Variants in ABCA6 observed in about 807,000 individuals in gnomAD.
The protein encoded by ABCA6 is ATP-binding cassette sub-family A member 6.
In ABCA6, 164 loss-of-function variants were observed where a neutral mutation model predicts 191.2. That is an observed-to-expected ratio of 0.86 (90% confidence interval 0.76 to 0.98). The LOEUF (loss-of-function observed/expected upper bound fraction) is 0.98. Ranked by LOEUF, ABCA6 falls within the 50% of genes least tolerant of loss-of-function variation. The pLI is 0.00. For missense variants in ABCA6, 1,958 were observed against 1,894.1 expected (o/e 1.03, Z -0.63); for synonymous variants, 636 against 647.7 (o/e 0.98, Z 0.27).
chr17:69,085,714 C>T lies in ABCA6; in HGVS notation c.3940G>A (p.Glu1314Lys), dbSNP rs760476405. The T allele has an allele frequency of 6.3e-7, 1 of 1,593,118 alleles. No individual in the cohort carries two copies. The highest frequency in any genetic ancestry group is 8.6e-7 in the Non-Finnish European group (1 of 1,163,356). ...RNISFCVQEG[E>K]ILGLLGPNGA... ...TTGGGTCCTAGCAATCCCAAAATTT[C>T]ACCTGAAAGAAAGAATCAGACTATC... is the stretch of plus-strand genomic sequence containing the variant. The change falls in exon 31 of 39, where the codon GAA becomes AAA. Residue 1314 changes from glutamate (E) to lysine (K), a missense_variant and splice_region_variant. Transcript: ENST00000284425.
At chr17:69,105,798 T>G (rs2073288344) in intron 19 of ABCA6, 170 bp from the exon 20 acceptor site, 1 of 711,496 alleles carries the variant, frequency 1.4e-6, no homozygotes, top group Non-Finnish European at 2.3e-6. Context: ...CAGAAGGCAT[T>G]ACTATATAAA....
chr17:69,126,024 A>G (rs572728801), intron 8 of ABCA6, among the ~76,000 whole-genome samples: 2 of 152,196 alleles, frequency 1.3e-5, no homozygotes, highest in African/African-American at 2.4e-5. Flanking sequence ...ATTTCTATTC[A>G]TTATTGTACT....
Position 69,123,239 on chromosome 17 carries a change from C to T in ABCA6, c.1436G>A (p.Arg479Lys). 5.5e-6 allele frequency: 8 copies of T among 1,465,054 alleles called. No homozygotes were observed. Among genetic ancestry groups the T allele is most frequent in the Non-Finnish European group, 7.3e-6 (8 of 1,094,384 alleles). The allele number at this position is 1,465,054 out of a possible 1,614,324, so 90.8% of individuals were successfully genotyped here. A position where few individuals can be genotyped will look rare whatever the true frequency, so the allele number is the denominator to read the frequency against. ...APEFQGKEAI[R>K]IRNVKKEYKG... ...TAGTATTACTTATAAGTGTGATTAC[C>T]TGATGGCTTCTTTTCCTTGGAATTC... is the stretch of plus-strand genomic sequence containing the variant. Residue 479 changes from arginine (R) to lysine (K), a missense_variant and splice_region_variant, in exon 10 of 39, where the codon AGA (arginine) becomes AAA (lysine). Physicochemically the swap from Arg to Lys is conservative, Grantham distance 26. Transcript: ENST00000284425.
At position 69,136,146 on chromosome 17, in the gene ABCA6, TATAAG is replaced by T. The variant is rs1026016825; in HGVS notation, c.401_405del (p.Ser134Ter). ...TTATATCCCTGGAAAAATATTAACT[TATAAG>T]AGAAAGTTTCATTAAAGATGATTCC... is the stretch of plus-strand genomic sequence containing the variant. On this transcript the variant is annotated frameshift_variant, in exon 4 of 39. Coordinates refer to ENST00000284425, the MANE Select transcript of ABCA6 (RefSeq NM_080284.3). LOFTEE classifies it high-confidence loss of function. 4 of 1,608,602 alleles carry T rather than the reference TATAAG, an allele frequency of 2.5e-6. No individual in the cohort carries two copies. Among genetic ancestry groups the T allele is most frequent in the Non-Finnish European group, 3.4e-6 (4 of 1,177,052 alleles).
At chr17:69,098,205 G>A in intron 22 of ABCA6, 178 bp from the exon 23 acceptor site, 1 of 458,946 alleles carries the variant, frequency 2.2e-6, no homozygotes. Flanking sequence ...AAAGAACAAA[G>A]AGAAGTCAAA....
chr17:69,079,329 C>A, intron 37 of ABCA6, 64 bp from the exon 38 acceptor site: 2 of 1,322,128 alleles, frequency 1.5e-6, no homozygotes, highest in South Asian at 1.5e-5. Flanking sequence ...AGAATTTTTT[C>A]AAAATCATAA....
intron 6 of ABCA6, among the ~76,000 whole-genome samples, chr17:69,132,367 T>C (rs1031061202): frequency 2.6e-5 from 4 of 152,218 alleles, no homozygotes; most frequent in African/African-American, 9.6e-5. Flanking sequence ...ATTGATAGTA[T>C]TGCAAAAGCC....
At chr17:69,110,387 G>A in intron 17 of ABCA6, 1 of 175,048 alleles carries the variant, frequency 5.7e-6, no homozygotes, top group Non-Finnish European at 1.2e-5. Flanking sequence ...AAGCCAGAAG[G>A]ATGAGAAAGT....
intron 12 of ABCA6, 139 bp downstream of exon 12, chr17:69,115,237 T>G (rs2073515047): frequency 8.3e-6 from 5 of 599,434 alleles, no homozygotes; most frequent in Non-Finnish European, 1.4e-5. Context: ...ATATTCAAAA[T>G]TATGTAGCTC....
At position 69,113,310 on chromosome 17, in the gene ABCA6, A is replaced by G. The variant is rs1371982352; in HGVS notation, c.1953T>C (p.Asp651=). The stretch of plus-strand genomic sequence containing the variant: ...GCTCTCTCAGGAGGCTCCACACTTG[A>G]TCTCTGGAAAAGGGATCCAATCCAG... ...PTTGLDPFSR[D]QVWSLLRERR... Residue 651 remains aspartate (D), a synonymous_variant, in exon 15 of 39, where the codon GAT becomes GAC. Coordinates refer to ENST00000284425, the MANE Select transcript of ABCA6 (RefSeq NM_080284.3). The G allele has an allele frequency of 1.3e-6, 2 of 1,596,548 alleles. No individual in the cohort carries two copies. The highest frequency in any genetic ancestry group is 8.5e-7 in the Non-Finnish European group (1 of 1,175,796).
chr17:69,117,154 AT>A (rs2073552545), intron 11 of ABCA6, among the ~76,000 whole-genome samples: 1 of 152,112 alleles, frequency 6.6e-6, no homozygotes, highest in Non-Finnish European at 1.5e-5. Flanking sequence ...TCTAAAAGCA[AT>A]GAATAAGACT....
chr17:69,085,519 C>CAAAA (rs35438104), intron 31 of ABCA6, 106 bp downstream of exon 31: 121 of 474,518 alleles, frequency 2.5e-4, no homozygotes, highest in African/African-American at 1.2e-3. Flanking sequence ...TATCCAAAGG[C>CAAAA]AAAAAAAAAA....
chr17:69,137,197 C>T, intron 3 of ABCA6, 99 bp downstream of exon 3: 1 of 1,131,038 alleles, frequency 8.8e-7, no homozygotes, highest in Non-Finnish European at 1.3e-6. Context: ...AAGTTATTAG[C>T]ATAATATATG....
In ABCA6 at chr17:69,128,789, G is replaced by A; in HGVS notation, c.949C>T (p.Leu317=). The A allele has an allele frequency of 6.3e-7, 1 of 1,592,842 alleles. No homozygotes were observed. Among genetic ancestry groups the A allele is most frequent in the South Asian group, 1.2e-5 (1 of 86,600 alleles). Residue 317 remains leucine (L), a synonymous_variant, in exon 8 of 39, where the codon CTG becomes TTG. Coordinates refer to ENST00000284425, the MANE Select transcript of ABCA6 (RefSeq NM_080284.3). ...GCTTTCTTTAACAGCACACTCATCA[G>A]GAACACCAAAGCTACCTGCAAGAGA... is the stretch of plus-strand genomic sequence containing the variant. The part of the protein sequence containing the change: ...YGLSLVALVF[L]MSVLLKKAVL...
At position 69,082,975 on chromosome 17, in the gene ABCA6, C is replaced by T. The variant is rs2072678591; in HGVS notation, c.4514G>A (p.Gly1505Asp). 1 of 1,613,992 alleles carries T rather than the reference C, an allele frequency of 6.2e-7. No homozygotes were observed. The highest frequency in any genetic ancestry group is 1.7e-5 in the Admixed American group (1 of 59,998). ...TTTTAGCTCTAGAATGTAATCCTTG[C>T]CAAGTTTGTTTTTCAGGTGTTGGAT... ...GSIQHLKNKL[G>D]KDYILELKVK... The change falls in exon 36 of 39, where the codon GGC becomes GAC. Residue 1505 changes from glycine to aspartate, a missense_variant. Physicochemically the swap from Gly to Asp is moderately conservative, Grantham distance 94. Coordinates refer to ENST00000284425, the MANE Select transcript of ABCA6 (RefSeq NM_080284.3).
rs570271016 is a variant in ABCA6, at chr17:69,080,596, G to A, written c.4696+470C>T. Among the ~76,000 whole-genome samples the A allele has an allele frequency of 1.2e-4, 18 of 152,274 alleles. No individual in the cohort carries two copies. In the South Asian group the frequency reaches 3.5e-3, roughly 30 times the overall value. On this transcript the variant is annotated intron_variant, in intron 37 of 38. Coordinates refer to ENST00000284425, the MANE Select transcript of ABCA6 (RefSeq NM_080284.3). ...CCAAATACACCTGCACAGACACAAG[G>A]AGGTTGATGGATGGATGGAAACTTT...
At position 69,115,483 on chromosome 17, in the gene ABCA6, A is replaced by C; in HGVS notation, c.1499T>G (p.Leu500Trp). Residue 500 changes from leucine (L) to tryptophan (W), a missense_variant, in exon 12 of 39, where the codon TTG (leucine) becomes TGG (tryptophan). Physicochemically the swap from Leu to Trp is moderately conservative, Grantham distance 61. Transcript: ENST00000284425. ...TTGACCTTCATATATGTCAAAGAGC[A>C]AGCCTATTTTTAGAACAAATTGTTA... ...KSGKVEALKG[L>W]LFDIYEGQIT... is the part of the protein sequence containing the mutation. 6.2e-7 allele frequency: 1 copy of C among 1,606,572 alleles called. No individual in the cohort carries two copies. Among genetic ancestry groups the C allele is most frequent in the East Asian group, 2.2e-5 (1 of 44,730 alleles).
intron 16 of ABCA6, 84 bp from the exon 17 acceptor site, chr17:69,111,024 T>C (rs1200042632): frequency 3.0e-6 from 4 of 1,326,876 alleles, no homozygotes; most frequent in Non-Finnish European, 4.1e-6. Flanking sequence ...CACCTAGCTG[T>C]TGAGCACAAC....
At chr17:69,112,562 C>A in intron 15 of ABCA6, 1 of 292,322 alleles carries the variant, frequency 3.4e-6, no homozygotes. Context: ...AACAGAAAGT[C>A]AAATACTGCA....
Sources: allele counts gnomAD v4.1 joint callset (sites outside exome capture counted in the v4.1 genomes callset), GRCh38; gene constraint gnomAD v4.1.1; transcripts MANE v1.5; gene names NCBI Gene and HGNC (gene_info 2026-07-23, HGNC 2026-07-21).